The following ASAP1 variants were observed in gnomAD, a reference collection of about 807,000 sequenced individuals.
The protein encoded by ASAP1 is ArfGAP with SH3 domain, ankyrin repeat and PH domain 1.
A neutral mutation model predicts 145.2 loss-of-function variants in ASAP1; 43 were observed. That is an observed-to-expected ratio of 0.30 (90% CI 0.23 to 0.38). ASAP1 has a LOEUF of 0.38. Ranked by LOEUF, ASAP1 falls within the 10% of genes least tolerant of loss-of-function variation. The probability of loss-of-function intolerance (pLI) is 1.00; values close to 1 mark genes in which losing one functional copy is unlikely to be tolerated. For synonymous variants in ASAP1, 546 were observed against 515.5 expected, an observed-to-expected ratio of 1.06 and a Z score of -0.80; for missense variants, 1,018 against 1,355.3, an observed-to-expected ratio of 0.75 and a Z score of 3.91.
At chr8:130,275,222 G>C (rs1820807486) in intron 3 of ASAP1, among the ~76,000 whole-genome samples, 1 of 152,172 alleles carries the variant, frequency 6.6e-6, no homozygotes, top group Non-Finnish European at 1.5e-5. Flanking sequence ...CCCACAACTG[G>C]GAGAAGTCTT....
At chr8:130,349,161 G>A (rs1036386992) in intron 3 of ASAP1, among the ~76,000 whole-genome samples, 4 of 152,342 alleles carry the variant, frequency 2.6e-5, no homozygotes, top group Middle Eastern at 6.8e-3. Flanking sequence ...GTTACACTGA[G>A]TTGACAGTCT....
At chr8:130,241,383 T>C (rs1023464291) in intron 3 of ASAP1, among the ~76,000 whole-genome samples, 1 of 152,126 alleles carries the variant, frequency 6.6e-6, no homozygotes, top group African/African-American at 2.4e-5. Flanking sequence ...TTTTTCTCTC[T>C]ACTAGAAGAA....
intron 4 of ASAP1, among the ~76,000 whole-genome samples, chr8:130,236,479 G>C (rs1215257258): frequency 1.3e-5 from 2 of 152,080 alleles, no homozygotes; most frequent in East Asian, 3.9e-4. Flanking sequence ...GTCTGTTGAG[G>C]TCTGAATTTA....
At chr8:130,225,525 CT>C (rs1404493327) in intron 4 of ASAP1, among the ~76,000 whole-genome samples, 3 of 152,010 alleles carry the variant, frequency 2.0e-5, no homozygotes, top group South Asian at 2.1e-4. Context: ...GGAGTTCTAA[CT>C]TTTTTTTCTT....
chr8:130,091,929 T>C (rs1011715242), intron 25 of ASAP1, 44 bp downstream of exon 25: 17 of 1,481,846 alleles, frequency 1.1e-5, no homozygotes, highest in South Asian at 4.3e-5. Flanking sequence ...CCCCACACGC[T>C]GCCTGGCCCC....
intron 3 of ASAP1, among the ~76,000 whole-genome samples, chr8:130,339,863 T>C (rs1250176128): frequency 6.6e-6 from 1 of 152,144 alleles, no homozygotes; most frequent in African/African-American, 2.4e-5. Context: ...TCCCTTGAAA[T>C]CCTGCAAGTC....
chr8:130,238,397 G>A (rs909849362), intron 3 of ASAP1, among the ~76,000 whole-genome samples: 2 of 152,192 alleles, frequency 1.3e-5, no homozygotes, highest in African/African-American at 4.8e-5. Context: ...TCTGGCATCT[G>A]AGTTTTTGCT....
chr8:130,220,391 A>C (rs1475815820), intron 4 of ASAP1, among the ~76,000 whole-genome samples: 1 of 152,222 alleles, frequency 6.6e-6, no homozygotes, highest in Non-Finnish European at 1.5e-5. Flanking sequence ...CTAACAGTCC[A>C]TGAGATAAGT....
At chr8:130,313,398 T>C (rs1047233751) in intron 3 of ASAP1, among the ~76,000 whole-genome samples, 9 of 152,210 alleles carry the variant, frequency 5.9e-5, no homozygotes, top group South Asian at 4.1e-4. Flanking sequence ...TGAGTCCTCC[T>C]TCCAAATCTC....
At chr8:130,341,446 T>C (rs1035292437) in intron 3 of ASAP1, among the ~76,000 whole-genome samples, 1 of 152,204 alleles carries the variant, frequency 6.6e-6, no homozygotes, top group African/African-American at 2.4e-5. Context: ...GATCTTTGTA[T>C]AAACCTCGGT....
intron 2 of ASAP1, among the ~76,000 whole-genome samples, chr8:130,372,033 G>A (rs1827237226): frequency 6.6e-6 from 1 of 152,176 alleles, no homozygotes; most frequent in Non-Finnish European, 1.5e-5. Flanking sequence ...TATTTAAGAG[G>A]CTTAGGGATC....
At chr8:130,058,401 G>C (rs1021173706) in intron 28 of ASAP1, among the ~76,000 whole-genome samples, 1 of 152,152 alleles carries the variant, frequency 6.6e-6, no homozygotes. Context: ...CACTCTGTAC[G>C]CACCCCCAAC....
chr8:130,079,701 G>A (rs573698732), intron 26 of ASAP1, among the ~76,000 whole-genome samples: 3 of 151,830 alleles, frequency 2.0e-5, no homozygotes, highest in Admixed American at 1.3e-4. Context: ...CTCAGAGAAC[G>A]GTCTGCAGAC....
chr8:130,358,543 C>G lies in ASAP1; in HGVS notation c.60-400G>C, dbSNP rs1051493219. On this transcript the variant is annotated intron_variant, in intron 2 of 29. Coordinates refer to ENST00000518721, the MANE Select transcript of ASAP1 (RefSeq NM_018482.4). This position sits in a 1 kb window ranked among gnomAD's most constrained non-coding sequence, Gnocchi z 4.1. ...GCGCGGGCTGGGCGGCTGGGGCGCC[C>G]GGCGCTGCCTCCTCAGACGCGCTGA... is the stretch of plus-strand genomic sequence containing the variant. 6.8e-6 allele frequency among the ~76,000 whole-genome samples: 1 copy of G among 147,210 alleles called. No individual in the cohort carries two copies. Among genetic ancestry groups the G allele is most frequent in the African/African-American group, 2.5e-5 (1 of 40,752 alleles).
intron 3 of ASAP1, among the ~76,000 whole-genome samples, chr8:130,320,227 A>G (rs929334976): frequency 6.6e-6 from 1 of 152,236 alleles, no homozygotes; most frequent in African/African-American, 2.4e-5. Context: ...ATCAATGAGC[A>G]TATATGTCAT....
At chr8:130,061,326 T>A (rs969736508) in intron 27 of ASAP1, among the ~76,000 whole-genome samples, 1 of 152,174 alleles carries the variant, frequency 6.6e-6, no homozygotes, top group Non-Finnish European at 1.5e-5. Context: ...TTAAAAAAAA[T>A]AAATAGAAAC....
chr8:130,438,522 G>C (rs1415049891), intron 1 of ASAP1, among the ~76,000 whole-genome samples: 1 of 152,154 alleles, frequency 6.6e-6, no homozygotes, highest in Non-Finnish European at 1.5e-5. Context: ...ATGGACTGGG[G>C]GCAGACTCTG....
At chr8:130,138,723 C>G (rs1454318243) in intron 13 of ASAP1, among the ~76,000 whole-genome samples, 1 of 151,558 alleles carries the variant, frequency 6.6e-6, no homozygotes, top group African/African-American at 2.4e-5. Flanking sequence ...GTAATCCCAG[C>G]TACTCGGGAG....
chr8:130,086,149 T>A (rs551969469), intron 25 of ASAP1, among the ~76,000 whole-genome samples: 5 of 152,332 alleles, frequency 3.3e-5, no homozygotes, highest in Non-Finnish European at 7.3e-5. Context: ...TGAGGAGAAA[T>A]GGCCAGTGGG....
Sources: allele counts gnomAD v4.1 joint callset (sites outside exome capture counted in the v4.1 genomes callset), GRCh38; gene constraint gnomAD v4.1.1; non-coding constraint Gnocchi (gnomAD v3.1); transcripts MANE v1.5; gene names NCBI Gene and HGNC (gene_info 2026-07-23, HGNC 2026-07-21).